ADAMTSL1: variants seen among roughly 807,000 people sequenced by gnomAD.
The protein encoded by ADAMTSL1 is ADAMTS like 1.
In ADAMTSL1, 126 loss-of-function variants were observed where a neutral mutation model predicts 201.8. The observed-to-expected ratio is 0.62, with a 90% confidence interval of 0.54 to 0.72. The LOEUF (loss-of-function observed/expected upper bound fraction) is 0.72. Ranked by LOEUF, ADAMTSL1 falls within the 30% of genes least tolerant of loss-of-function variation. ADAMTSL1 has a pLI of 0.00. For missense variants in ADAMTSL1, 2,679 were observed against 2,277.8 expected (o/e 1.18, Z -3.59); for synonymous variants, 1,121 against 903.4 (o/e 1.24, Z -4.32).
chr9:18,240,627 A>C (rs1413790602), intron 2 of ADAMTSL1, among the ~76,000 whole-genome samples: 1 of 152,238 alleles, frequency 6.6e-6, no homozygotes, highest in Non-Finnish European at 1.5e-5. Flanking sequence ...CCTAGATGGC[A>C]TCTTCTTTCA....
At chr9:18,054,970 A>G (rs916990663) in intron 1 of ADAMTSL1, among the ~76,000 whole-genome samples, 1 of 152,152 alleles carries the variant, frequency 6.6e-6, no homozygotes, top group Admixed American at 6.5e-5. Context: ...ACATTAGGGC[A>G]TGCTCCCTTC....
At chr9:18,302,041 C>T (rs761233316) in intron 2 of ADAMTSL1, among the ~76,000 whole-genome samples, 1 of 152,152 alleles carries the variant, frequency 6.6e-6, no homozygotes, top group Non-Finnish European at 1.5e-5. Context: ...TCATCATAGT[C>T]AAAACCATGT....
chr9:17,996,812 A>G (rs1315810226), intron 1 of ADAMTSL1, among the ~76,000 whole-genome samples: 1 of 152,128 alleles, frequency 6.6e-6, no homozygotes, highest in African/African-American at 2.4e-5. Context: ...GGTAAATAAA[A>G]TAATTGTTCA....
intron 4 of ADAMTSL1, among the ~76,000 whole-genome samples, chr9:18,595,263 G>T (rs148884240): frequency 5.2e-3 from 790 of 152,306 alleles, no homozygotes; most frequent in Non-Finnish European, 8.1e-3. Context: ...AAAGGGGCTG[G>T]AGTTGAGATT....
At chr9:18,197,518 T>G (rs1473698939) in intron 2 of ADAMTSL1, among the ~76,000 whole-genome samples, 3 of 120,912 alleles carry the variant, frequency 2.5e-5, no homozygotes. Context: ...GTGATTTTTG[T>G]ACATTGATTT....
At chr9:18,743,390 C>T (rs1429870774) in intron 15 of ADAMTSL1, among the ~76,000 whole-genome samples, 1 of 152,024 alleles carries the variant, frequency 6.6e-6, no homozygotes, top group Non-Finnish European at 1.5e-5. Context: ...GCTGCAAGTG[C>T]CATTTTTTTC....
intron 2 of ADAMTSL1, among the ~76,000 whole-genome samples, chr9:18,205,775 C>T (rs1285883728): frequency 6.6e-6 from 1 of 152,044 alleles, no homozygotes; most frequent in African/African-American, 2.4e-5. Context: ...CACGTACGGC[C>T]AGGCACGGTG....
At chr9:18,066,983 G>A (rs1453641239) in intron 1 of ADAMTSL1, among the ~76,000 whole-genome samples, 1 of 152,152 alleles carries the variant, frequency 6.6e-6, no homozygotes, top group Non-Finnish European at 1.5e-5. Context: ...TCTGGGGACT[G>A]TTGTGGGGTG....
rs1398099216 is a variant in ADAMTSL1, at chr9:18,830,068, C to T, written c.4249+91C>T. ...CTGTTTGCAGGTGGGAAGGAGGCAGCAGTCGGGGGTGGCCAACAGGGAATC... is the reference window on the plus strand; with the variant it reads ...CTGTTTGCAGGTGGGAAGGAGGCAGTAGTCGGGGGTGGCCAACAGGGAATC... On this transcript the variant is annotated intron_variant, in intron 23 of 28. Transcript: ENST00000380548. 13 of 1,489,090 alleles carry T rather than the reference C, an allele frequency of 8.7e-6. No individual in the cohort carries two copies. The African/African-American group carries it at 1.3e-4, about 14-fold the overall frequency. The allele number at this position is 1,489,090 out of a possible 1,614,324, so 92.2% of individuals were successfully genotyped here.
intron 15 of ADAMTSL1, among the ~76,000 whole-genome samples, chr9:18,741,908 T>A (rs550703045): frequency 5.3e-5 from 8 of 152,348 alleles, no homozygotes; most frequent in Admixed American, 2.0e-4. Flanking sequence ...TCCAGCAGTG[T>A]TGCCCTCACC....
At chr9:18,822,917 A>G (rs1824301961) in intron 21 of ADAMTSL1, among the ~76,000 whole-genome samples, 1 of 152,200 alleles carries the variant, frequency 6.6e-6, no homozygotes, top group Admixed American at 6.5e-5. Flanking sequence ...TGGAACATTC[A>G]AGGGCTGGTG....
intron 2 of ADAMTSL1, among the ~76,000 whole-genome samples, chr9:18,217,130 AC>A (rs575781407): frequency 5.4e-4 from 82 of 152,282 alleles, no homozygotes; most frequent in African/African-American, 1.9e-3. Context: ...GGGGTCAGTT[AC>A]TTTATCTCTC....
In ADAMTSL1 at chr9:18,185,635, A is replaced by G. The variant is rs151321404; in HGVS notation, c.207+21654A>G. On this transcript the variant is annotated intron_variant, in intron 2 of 29. Transcript: ENST00000680146. ...GGTACTGATAGCAACGAGAGAAGAG[A>G]CAACTGACAAGGAGACAAAATTATC... Among the ~76,000 whole-genome samples, 4 of 152,322 alleles carry G rather than the reference A, an allele frequency of 2.6e-5. No homozygotes were observed. In the East Asian group the frequency reaches 5.8e-4, roughly 22 times the overall value.
intron 1 of ADAMTSL1, among the ~76,000 whole-genome samples, chr9:18,029,769 T>C (rs1159337918): frequency 6.6e-6 from 1 of 152,284 alleles, no homozygotes; most frequent in East Asian, 1.9e-4. Context: ...AAAGAAGACA[T>C]GTATGTAGCC....
intron 1 of ADAMTSL1, among the ~76,000 whole-genome samples, chr9:18,047,162 T>C (rs1821696508): frequency 6.6e-6 from 1 of 152,176 alleles, no homozygotes; most frequent in Admixed American, 6.5e-5. Context: ...GAAACTACAC[T>C]AGTTATTTGC....
chr9:18,644,487 T>C (rs926507523), intron 7 of ADAMTSL1, among the ~76,000 whole-genome samples: 1 of 152,058 alleles, frequency 6.6e-6, no homozygotes, highest in African/African-American at 2.4e-5. Flanking sequence ...GCTGCACCCA[T>C]TAACTTGTCA....
At chr9:17,951,885 G>T (rs970514548) in intron 1 of ADAMTSL1, among the ~76,000 whole-genome samples, 1 of 151,950 alleles carries the variant, frequency 6.6e-6, no homozygotes, top group South Asian at 2.1e-4. Flanking sequence ...TGGCATGATC[G>T]TAGCTCACTG....
intron 23 of ADAMTSL1, among the ~76,000 whole-genome samples, chr9:18,865,991 G>T (rs1827510654): frequency 6.6e-6 from 1 of 151,916 alleles, no homozygotes; most frequent in Non-Finnish European, 1.5e-5. Flanking sequence ...CTTCTTCGTT[G>T]AAGGAAAGGG....
At chr9:18,731,042 G>A (rs1415939583) in intron 15 of ADAMTSL1, among the ~76,000 whole-genome samples, 3 of 152,142 alleles carry the variant, frequency 2.0e-5, no homozygotes, top group Non-Finnish European at 4.4e-5. Context: ...GATGGCTGAT[G>A]GTCATCTCAG....
Sources: gnomAD v4.1 joint callset for allele counts (sites outside exome capture counted in the v4.1 genomes callset) on GRCh38, gnomAD v4.1.1 for gene constraint, MANE v1.5 for transcripts, NCBI Gene and HGNC (gene_info 2026-07-23, HGNC 2026-07-21) for gene names.